Variants in RARRES1 observed in about 807,000 individuals in gnomAD.
The protein encoded by RARRES1 is retinoic acid receptor responder protein 1.
Under a neutral mutation model 30.6 loss-of-function variants are expected in RARRES1, and 34 were observed. The ratio of observed to expected loss-of-function variants is 1.11; its 90% CI spans 0.84 to 1.48. The LOEUF (loss-of-function observed/expected upper bound fraction) is 1.48, where lower values mean the gene tolerates loss of function less well. Among genes scored for constraint, RARRES1 ranks in the 40% most tolerant of loss-of-function variants. RARRES1 has a pLI of 0.00. For missense variants in RARRES1, 373 were observed against 386.5 expected, an observed-to-expected ratio of 0.97 and a Z score of 0.29; for synonymous variants, 153 against 155.5, an observed-to-expected ratio of 0.98 and a Z score of 0.12.
intron 1 of RARRES1, among the ~76,000 whole-genome samples, chr3:158,730,435 T>TC (rs1444053222): frequency 1.4e-5 from 2 of 140,026 alleles, no homozygotes; most frequent in Non-Finnish European, 3.1e-5. Flanking sequence ...TTTCTCTCTC[T>TC]TTTTTTTCCC....
chr3:158,702,162 C>T (rs1035995091), intron 4 of RARRES1, among the ~76,000 whole-genome samples: 3 of 152,192 alleles, frequency 2.0e-5, no homozygotes, highest in Admixed American at 6.5e-5. Flanking sequence ...CTCAGCCTCC[C>T]GAGTAGCTGG....
rs1726567233 is a variant in RARRES1 at position 158,696,996 on chromosome 3, T to A, written c.*682A>T. On this transcript the variant is annotated 3_prime_UTR_variant, in exon 6 of 6. Coordinates refer to ENST00000237696, the MANE Select transcript of RARRES1 (RefSeq NM_206963.2). ...CAGCTTTATCTGGTGAGACAGACGTTCTATTATTTGTAAAATTTAAGTTAA... is the reference window on the plus strand; with the variant it reads ...CAGCTTTATCTGGTGAGACAGACGTACTATTATTTGTAAAATTTAAGTTAA... 1 of 152,222 alleles carries A rather than the reference T, an allele frequency of 6.6e-6. No individual in the cohort carries two copies. The highest frequency in any genetic ancestry group is 2.4e-5 in the African/African-American group (1 of 41,456). 9.4% of individuals were successfully genotyped at this position (152,222 alleles called of 1,614,324 possible). A position where few individuals can be genotyped will look rare whatever the true frequency, so the allele number is the denominator to read the frequency against.
At chr3:158,700,647 G>A (rs749095952) in intron 4 of RARRES1, among the ~76,000 whole-genome samples, 7 of 152,128 alleles carry the variant, frequency 4.6e-5, no homozygotes, top group African/African-American at 7.2e-5. Flanking sequence ...CCTGGCAAAG[G>A]ATGCCAAGAT....
At chr3:158,726,691 GGTT>G (rs1330238602) in intron 1 of RARRES1, among the ~76,000 whole-genome samples, 5 of 152,332 alleles carry the variant, frequency 3.3e-5, no homozygotes, top group African/African-American at 1.2e-4. Context: ...AAAAGCAGAG[GGTT>G]GTTCAGCATA....
chr3:158,713,684 GGAA>G (rs1307697424), intron 2 of RARRES1, 110 bp downstream of exon 2: 8 of 1,069,932 alleles, frequency 7.5e-6, no homozygotes, highest in Non-Finnish European at 9.6e-6. Flanking sequence ...AAACAGATCA[GGAA>G]AAAACAAAAG....
At chr3:158,716,953 C>T (rs1279468288) in intron 1 of RARRES1, among the ~76,000 whole-genome samples, 2 of 152,216 alleles carry the variant, frequency 1.3e-5, no homozygotes, top group Non-Finnish European at 2.9e-5. Flanking sequence ...TGTACTTTAT[C>T]ATGTATCAAG....
At position 158,715,320 on chromosome 3, in the gene RARRES1, C is replaced by T. The variant is rs537807164; in HGVS notation, c.277-1461G>A. ...GATCAGTGTGGCAGATCGCAGCCTG[C>T]GGGAGGCTTTCTAGAGTGGGTGAGG... On this transcript the variant is annotated intron_variant, in intron 1 of 5. Transcript: ENST00000237696. Among the ~76,000 whole-genome samples the T allele has an allele frequency of 6.6e-5, 10 of 152,264 alleles. No individual in the cohort carries two copies. In the South Asian group the frequency reaches 8.3e-4, roughly 13 times the overall value.
intron 1 of RARRES1, among the ~76,000 whole-genome samples, chr3:158,718,455 A>G (rs1727396071): frequency 6.6e-6 from 1 of 152,246 alleles, no homozygotes; most frequent in African/African-American, 2.4e-5. Flanking sequence ...CAGAAATACA[A>G]AAATGCAAAT....
intron 4 of RARRES1, chr3:158,698,293 C>T (rs1353556960): frequency 4.5e-6 from 1 of 219,946 alleles, no homozygotes; most frequent in Admixed American, 5.4e-5. Context: ...TATATTAGCC[C>T]TGATATGACA....
intron 3 of RARRES1, 56 bp downstream of exon 3, chr3:158,710,682 G>C: frequency 4.1e-6 from 6 of 1,456,118 alleles, no homozygotes; most frequent in Non-Finnish European, 5.6e-6. Context: ...TTTCTTTTAA[G>C]GATTTAGTTA....
At chr3:158,714,032 C>T (rs990406204) in intron 1 of RARRES1, among the ~76,000 whole-genome samples, 173 bp from the exon 2 acceptor site, 5 of 152,034 alleles carry the variant, frequency 3.3e-5, no homozygotes, top group African/African-American at 9.7e-5. Flanking sequence ...CTGATTGTGC[C>T]ATTCTGCTTG....
At chr3:158,701,950 C>T (rs549207778) in intron 4 of RARRES1, among the ~76,000 whole-genome samples, 1 of 152,216 alleles carries the variant, frequency 6.6e-6, no homozygotes, top group African/African-American at 2.4e-5. Flanking sequence ...TATTATTTAT[C>T]TAACACCCAG....
intron 1 of RARRES1, among the ~76,000 whole-genome samples, chr3:158,719,790 G>A (rs1727442062): frequency 6.6e-6 from 1 of 152,140 alleles, no homozygotes; most frequent in South Asian, 2.1e-4. Flanking sequence ...TCGAGAGAAT[G>A]TACAATGGAA....
rs747490145 is a variant in RARRES1 at position 158,697,882 on chromosome 3, A to G, written c.735+26T>C. ...TCTGCAAAAACTTATGGTAAAAACA[A>G]TTCTACATACAATGTTATGTTTTAC... On this transcript the variant is annotated intron_variant, in intron 5 of 5. Coordinates refer to ENST00000237696, the MANE Select transcript of RARRES1 (RefSeq NM_206963.2). The G allele has an allele frequency of 4.0e-5, 63 of 1,564,432 alleles. 1 individual carries two copies. The highest frequency in any genetic ancestry group is 6.8e-5 in the African/African-American group (5 of 73,546).
Position 158,710,008 on chromosome 3 carries a change from G to A in RARRES1, c.535+730C>T, listed in dbSNP as rs113556527. The stretch of plus-strand genomic sequence containing the variant: ...ATCTGGCCTTGGAGTGTAAGGCTGT[G>A]ATGAGCAGAGTAGTGGCTCTGGAGG... On this transcript the variant is annotated intron_variant, in intron 3 of 5. Transcript: ENST00000237696. Among the ~76,000 whole-genome samples, 612 of 152,338 alleles carry A rather than the reference G, an allele frequency of 4.0e-3. 4 individuals are homozygous for A. Among genetic ancestry groups the A allele is most frequent in the African/African-American group, 0.014 (593 of 41,580 alleles).
chr3:158,712,119 G>A (rs966968587), intron 2 of RARRES1, among the ~76,000 whole-genome samples: 2 of 152,212 alleles, frequency 1.3e-5, no homozygotes. Context: ...TAGAATTTGA[G>A]GAAGTTCATG....
At chr3:158,713,364 G>T (rs1409218536) in intron 2 of RARRES1, among the ~76,000 whole-genome samples, 1 of 152,156 alleles carries the variant, frequency 6.6e-6, no homozygotes, top group Non-Finnish European at 1.5e-5. Flanking sequence ...GTGTTTTACA[G>T]AGTGCCTCTG....
chr3:158,709,764 C>G (rs547374393), intron 3 of RARRES1, among the ~76,000 whole-genome samples: 2 of 152,300 alleles, frequency 1.3e-5, no homozygotes, highest in Admixed American at 6.5e-5. Flanking sequence ...CAAGAGATGA[C>G]TTTCGTGGTT....
intron 1 of RARRES1, among the ~76,000 whole-genome samples, chr3:158,719,359 C>T (rs1330607363): frequency 2.6e-5 from 4 of 151,386 alleles, no homozygotes; most frequent in African/African-American, 9.7e-5. Flanking sequence ...GCACCCTCCA[C>T]CTCCCGGGTT....
Sources: gnomAD v4.1 joint callset for allele counts (sites outside exome capture counted in the v4.1 genomes callset) on GRCh38, gnomAD v4.1.1 for gene constraint, MANE v1.5 for transcripts, NCBI Gene and HGNC (gene_info 2026-07-23, HGNC 2026-07-21) for gene names.